The following MICAL2 variants were observed in gnomAD, a reference collection of about 807,000 sequenced individuals.
MICAL2 encodes [F-actin]-monooxygenase MICAL2.
MICAL2 carries 77 observed loss-of-function variants against 127.3 expected under a neutral mutation model. The observed-to-expected ratio is 0.60, with a 90% CI of 0.50 to 0.73. The LOEUF is 0.73. MICAL2 is among the 30% of genes least tolerant of loss of function. MICAL2 has a pLI of 0.00. For missense variants in MICAL2, 1,351 were observed against 1,434.4 expected, an observed-to-expected ratio of 0.94 and a Z score of 0.94; for synonymous variants, 570 against 551.1, an observed-to-expected ratio of 1.03 and a Z score of -0.48.
At chr11:12,287,182 T>G in exon 3 of MICAL2, 1 of 398,976 alleles carries the variant, frequency 2.5e-6, no homozygotes, top group Non-Finnish European at 4.4e-6. Flanking sequence ...ACTAGCTCTC[T>G]GGGGGTGGGA....
chr11:12,111,829 C>A (rs191570794), intron 1 of MICAL2, among the ~76,000 whole-genome samples: 1 of 152,228 alleles, frequency 6.6e-6, no homozygotes, highest in African/African-American at 2.4e-5. Context: ...CTGACACCTG[C>A]ACTTACTCTG....
intron 30 of MICAL2, among the ~76,000 whole-genome samples, chr11:12,323,115 T>C (rs756261619): frequency 6.6e-5 from 10 of 152,194 alleles, no homozygotes; most frequent in Admixed American, 1.3e-4. Context: ...AACTTTCCAG[T>C]ATGTGGAATT....
intron 26 of MICAL2, chr11:12,260,307 A>G (rs1862928416): frequency 7.7e-6 from 11 of 1,423,940 alleles, no homozygotes; most frequent in Admixed American, 3.0e-5. Flanking sequence ...AGAATTTCAC[A>G]TGGGCCACCT....
At chr11:12,295,692 T>G (rs11022278), downstream of MICAL2, among the ~76,000 whole-genome samples, 68,347 of 151,816 alleles carry the variant, frequency 0.45, 17,419 homozygotes, top group Non-Finnish European at 0.57. Flanking sequence ...CCACTATGCC[T>G]AGCCAAAAAT....
intron 29 of MICAL2, among the ~76,000 whole-genome samples, chr11:12,311,562 C>T (rs550413261): frequency 1.3e-5 from 2 of 152,146 alleles, no homozygotes; most frequent in South Asian, 2.1e-4. Flanking sequence ...GCCACCACAC[C>T]GGCTAATTTT....
At chr11:12,233,271 G>T (rs1025411585) in intron 15 of MICAL2, among the ~76,000 whole-genome samples, 1 of 152,184 alleles carries the variant, frequency 6.6e-6, no homozygotes, top group African/African-American at 2.4e-5. Flanking sequence ...GTAGTTGGAT[G>T]GTTTTCCTGA....
intron 3 of MICAL2, among the ~76,000 whole-genome samples, chr11:12,182,619 T>A (rs1857616334): frequency 6.6e-6 from 1 of 152,336 alleles, no homozygotes; most frequent in Non-Finnish European, 1.5e-5. Context: ...TCTAAGGTCT[T>A]TTAAATGCAC....
In MICAL2 at chr11:12,209,554, T is replaced by C; in HGVS notation, c.647T>C (p.Phe216Ser). 1.2e-6 allele frequency: 2 copies of C among 1,614,210 alleles called. No individual in the cohort carries two copies. The highest frequency in any genetic ancestry group is 1.7e-6 in the Non-Finnish European group (2 of 1,180,038). ...GACCATTCTCTGTCGGAGTTTGAGT[T>C]TGACGTCATCATTGGTGCCGATGGC... ...PTDHSLSEFEFDVIIGADGRR... is the reference protein window; with the variant it reads ...PTDHSLSEFESDVIIGADGRR... Residue 216 changes from phenylalanine (F) to serine (S), a missense_variant, in exon 6 of 28, where the codon TTT (phenylalanine) becomes TCT (serine). Phe to Ser is a radical substitution (Grantham distance 155). Coordinates refer to ENST00000683283, the MANE Select transcript of MICAL2 (RefSeq NM_001282663.2).
intron 3 of MICAL2, among the ~76,000 whole-genome samples, chr11:12,163,918 C>T (rs1376879127): frequency 1.3e-5 from 2 of 151,970 alleles, no homozygotes; most frequent in African/African-American, 4.8e-5. Context: ...GGCCCAGTTG[C>T]ACTGTGTTCT....
chr11:12,218,134 C>A (rs59737065), intron 8 of MICAL2, among the ~76,000 whole-genome samples: 4,563 of 152,274 alleles, frequency 0.03, 204 homozygotes, highest in East Asian at 0.24. Context: ...TCCAGCTGAT[C>A]TCTGGGCTTC....
intron 32 of MICAL2, among the ~76,000 whole-genome samples, chr11:12,345,850 C>T (rs1386024797): frequency 2.0e-5 from 3 of 152,170 alleles, no homozygotes; most frequent in African/African-American, 7.2e-5. Context: ...TAATTATAGA[C>T]TCTCTTTAAG....
intron 2 of MICAL2, among the ~76,000 whole-genome samples, chr11:12,140,157 A>T (rs748107399): frequency 6.6e-6 from 1 of 152,274 alleles, no homozygotes; most frequent in Non-Finnish European, 1.5e-5. Flanking sequence ...AAGCATTCCC[A>T]AATTATATAC....
At chr11:12,352,279 A>T (rs1939062722) in intron 33 of MICAL2, among the ~76,000 whole-genome samples, 1 of 152,258 alleles carries the variant, frequency 6.6e-6, no homozygotes, top group East Asian at 1.9e-4. Flanking sequence ...CATTCTGTGC[A>T]CCAGGGACTA....
intron 29 of MICAL2, among the ~76,000 whole-genome samples, chr11:12,318,626 A>G (rs1379364767): frequency 6.6e-6 from 1 of 152,154 alleles, no homozygotes; most frequent in Non-Finnish European, 1.5e-5. Flanking sequence ...ACCTATTTCT[A>G]TTCAGACATA....
chr11:12,153,219 T>C (rs1194760406), intron 2 of MICAL2: 9 of 151,770 alleles, frequency 5.9e-5, no homozygotes, highest in Non-Finnish European at 1.3e-4. Flanking sequence ...TTTGTTTTTT[T>C]GTAGAGACAG....
chr11:12,312,998 C>G (rs917136215), intron 29 of MICAL2, among the ~76,000 whole-genome samples: 1 of 151,802 alleles, frequency 6.6e-6, no homozygotes, highest in Non-Finnish European at 1.5e-5. Context: ...AACCCCGTCT[C>G]TACTAAAAAA....
At chr11:12,293,988 A>G (rs1418613065), downstream of MICAL2, 1 of 1,614,044 alleles carries the variant, frequency 6.2e-7, no homozygotes, top group East Asian at 2.2e-5. Flanking sequence ...CTCACTCAGG[A>G]GCAGAAGACC....
chr11:12,182,456 C>G (rs1482095390), intron 3 of MICAL2, among the ~76,000 whole-genome samples: 2 of 152,142 alleles, frequency 1.3e-5, no homozygotes, highest in Non-Finnish European at 2.9e-5. Context: ...ATCTGTAAAA[C>G]AGCAATATTC....
intron 32 of MICAL2, among the ~76,000 whole-genome samples, chr11:12,337,761 G>A (rs1938792559): frequency 1.3e-5 from 2 of 152,076 alleles, no homozygotes; most frequent in South Asian, 4.2e-4. Flanking sequence ...TAGTTGAGTG[G>A]TTTTGAGTGA....
Sources: allele counts gnomAD v4.1 joint callset (sites outside exome capture counted in the v4.1 genomes callset), GRCh38; gene constraint gnomAD v4.1.1; transcripts MANE v1.5; gene names NCBI Gene and HGNC (gene_info 2026-07-23, HGNC 2026-07-21).